USPL1: variants seen among roughly 807,000 people sequenced by gnomAD.
The protein encoded by USPL1 is ubiquitin specific peptidase like 1.
In USPL1, 27 loss-of-function variants were observed where a neutral mutation model predicts 51.5. The observed-to-expected ratio is 0.52, with a 90% CI of 0.39 to 0.72. The LOEUF (loss-of-function observed/expected upper bound fraction) is 0.72. USPL1 is among the 30% of genes least tolerant of loss of function. The pLI, the probability that USPL1 is intolerant of heterozygous loss-of-function variation, is 0.00. For missense variants in USPL1, 1,226 were observed against 1,268.0 expected (o/e 0.97, Z 0.50); for synonymous variants, 451 against 459.6 (o/e 0.98, Z 0.24).
At chr13:30,654,620 T>C (rs1470765660) in intron 8 of USPL1, among the ~76,000 whole-genome samples, 1 of 152,174 alleles carries the variant, frequency 6.6e-6, no homozygotes. Flanking sequence ...AAAGGATACA[T>C]AAAGTTGTCT....
chr13:30,659,138 A>C lies in USPL1; in HGVS notation c.3061A>C (p.Arg1021=), dbSNP rs1230288042. Reference sequence around the variant, plus strand: ...TGATGTTTCCCAGAACACACATCTGAGACAGGACCATAATTATTGTAGCCC... The same window carrying C: ...TGATGTTTCCCAGAACACACATCTGCGACAGGACCATAATTATTGTAGCCC... ...FNDVSQNTHL[R]QDHNYCSPTK... The change falls in exon 9 of 9, where the codon AGA becomes CGA. Residue 1021 remains arginine, a synonymous_variant. Transcript: ENST00000255304. 1.2e-6 allele frequency: 2 copies of C among 1,614,088 alleles called. No individual in the cohort carries two copies. Among genetic ancestry groups the C allele is most frequent in the Middle Eastern group, 1.6e-4 (1 of 6,084 alleles).
At position 30,621,173 on chromosome 13, in the gene USPL1, G is replaced by A. The variant is rs766095204; in HGVS notation, c.33G>A (p.Leu11=). The change falls in exon 2 of 9, where the codon TTG becomes TTA. Residue 11 remains leucine, a synonymous_variant. Transcript: ENST00000255304. MMDSPKIGNG[L]PVIGPGTDIG... Reference sequence around the variant, plus strand: ...ATTCTCCGAAGATTGGAAATGGTTTGCCAGTGATTGGACCAGGGACTGATA... The same window carrying A: ...ATTCTCCGAAGATTGGAAATGGTTTACCAGTGATTGGACCAGGGACTGATA... 1.2e-5 allele frequency: 20 copies of A among 1,607,260 alleles called. No homozygotes were observed. Among genetic ancestry groups the A allele is most frequent in the Admixed American group, 1.7e-5 (1 of 58,894 alleles).
In USPL1 at chr13:30,653,324, T is replaced by G. The variant is rs751146330; in HGVS notation, c.1396+19T>G. The G allele has an allele frequency of 1.9e-6, 3 of 1,539,394 alleles. No homozygotes were observed. The highest frequency in any genetic ancestry group is 2.6e-6 in the Non-Finnish European group (3 of 1,137,102). The stretch of plus-strand genomic sequence containing the variant: ...GCTGATGGTAAGTGTTTAGAGGTTT[T>G]CTTTTAAGATAATTGGCATAGAAAC... On this transcript the variant is annotated intron_variant, in intron 8 of 8. Transcript: ENST00000255304.
chr13:30,658,855 T>C lies in USPL1; in HGVS notation c.2778T>C (p.Asp926=). Residue 926 remains aspartate (D), a synonymous_variant, in exon 9 of 9, where the codon GAT becomes GAC. Transcript: ENST00000255304. ...RSENLEQVPQ[D]GSPNDCESIE... ...AAAATCTAGAACAGGTGCCCCAGGATGGGTCTCCAAATGATTGTGAATCAA... is the reference window on the plus strand; with the variant it reads ...AAAATCTAGAACAGGTGCCCCAGGACGGGTCTCCAAATGATTGTGAATCAA... The C allele has an allele frequency of 1.9e-6, 3 of 1,614,002 alleles. No individual in the cohort carries two copies. Among genetic ancestry groups the C allele is most frequent in the Non-Finnish European group, 2.5e-6 (3 of 1,180,030 alleles).
chr13:30,638,308 G>C (rs1370587903), intron 5 of USPL1, among the ~76,000 whole-genome samples: 1 of 152,092 alleles, frequency 6.6e-6, no homozygotes, highest in Non-Finnish European at 1.5e-5. Flanking sequence ...ATGTACCCAG[G>C]GTTTAGAATC....
At chr13:30,652,826 A>G (rs530050355) in intron 7 of USPL1, among the ~76,000 whole-genome samples, 35 of 152,352 alleles carry the variant, frequency 2.3e-4, no homozygotes, top group African/African-American at 7.9e-4. Flanking sequence ...TGGATTTTAC[A>G]AAGTAGCTAC....
chr13:30,647,278 C>G (rs574510503), intron 7 of USPL1, among the ~76,000 whole-genome samples: 2 of 152,318 alleles, frequency 1.3e-5, no homozygotes, highest in African/African-American at 4.8e-5. Flanking sequence ...TGGCCCCACT[C>G]TCCTAGTGTC....
Position 30,658,139 on chromosome 13 carries a change from A to T in USPL1, c.2062A>T (p.Ile688Leu). Reference sequence around the variant, plus strand: ...GAATAATACTGATGCTACTGGTCTTATACAGGGAGTGAAGTCAGTAGAAAT... The same window carrying T: ...GAATAATACTGATGCTACTGGTCTTTTACAGGGAGTGAAGTCAGTAGAAAT... ...SVNNTDATGL[I>L]QGVKSVEIEK... is the part of the protein sequence containing the mutation. Residue 688 changes from isoleucine to leucine, a missense_variant, in exon 9 of 9, where the codon ATA (isoleucine) becomes TTA (leucine). Physicochemically the swap from Ile to Leu is conservative, Grantham distance 5 (BLOSUM62 2). Coordinates refer to ENST00000255304, the MANE Select transcript of USPL1 (RefSeq NM_005800.5). The T allele has an allele frequency of 1.2e-6, 2 of 1,613,696 alleles. No homozygotes were observed. Among genetic ancestry groups the T allele is most frequent in the Non-Finnish European group, 1.7e-6 (2 of 1,180,004 alleles).
chr13:30,650,990 A>G (rs1345004856), intron 7 of USPL1, among the ~76,000 whole-genome samples: 1 of 151,266 alleles, frequency 6.6e-6, no homozygotes. Context: ...CGCCATCTCA[A>G]AAACAAACAA....
At chr13:30,620,211 G>A (rs1422756850) in intron 1 of USPL1, among the ~76,000 whole-genome samples, 1 of 152,194 alleles carries the variant, frequency 6.6e-6, no homozygotes, top group African/African-American at 2.4e-5. Context: ...CCCAGGAGAT[G>A]GGTGTCATAG....
chr13:30,621,090 C>G lies in USPL1; in HGVS notation c.-51C>G, dbSNP rs754488420. 2 of 1,459,450 alleles carry G rather than the reference C, an allele frequency of 1.4e-6. No individual in the cohort carries two copies. Among genetic ancestry groups the G allele is most frequent in the African/African-American group, 1.4e-5 (1 of 69,650 alleles). The allele number at this position is 1,459,450 out of a possible 1,614,324, so 90.4% of individuals were successfully genotyped here. A position where few individuals can be genotyped will look rare whatever the true frequency, so the allele number is the denominator to read the frequency against. On this transcript the variant is annotated 5_prime_UTR_variant, in exon 2 of 9. Transcript: ENST00000255304. Reference sequence around the variant, plus strand: ...TTTTCCAGGGTTCATTGAAAAAATCCTTAGTGATATTGACATGTCTCAAGT... The same window carrying G: ...TTTTCCAGGGTTCATTGAAAAAATCGTTAGTGATATTGACATGTCTCAAGT...
chr13:30,626,575 T>A lies in USPL1; in HGVS notation c.229-4260T>A, dbSNP rs2031277. On this transcript the variant is annotated intron_variant, in intron 3 of 8. Coordinates refer to ENST00000255304, the MANE Select transcript of USPL1 (RefSeq NM_005800.5). The stretch of plus-strand genomic sequence containing the variant: ...TTTATCAGTAAACTTTGCTGATCCC[T>A]GTATAAGTCCTCTGAATCAAATTAT... Among the ~76,000 whole-genome samples the A allele has an allele frequency of 3.9e-5, 6 of 152,290 alleles. No homozygotes were observed. The South Asian group carries it at 8.3e-4, about 21-fold the overall frequency.
intron 8 of USPL1, among the ~76,000 whole-genome samples, chr13:30,654,283 T>G (rs887132779): frequency 1.3e-5 from 2 of 152,060 alleles, no homozygotes; most frequent in African/African-American, 4.8e-5. Context: ...CAATGTTGGG[T>G]GTTTTTGGTA....
rs746662420 is a variant in USPL1 at position 30,631,121 on chromosome 13, A to C, written c.515A>C (p.Asn172Thr). The C allele has an allele frequency of 5.6e-6, 9 of 1,614,194 alleles. No individual in the cohort carries two copies. The highest frequency in any genetic ancestry group is 7.6e-6 in the Non-Finnish European group (9 of 1,180,022). ...PIRTADSLER[N>T]EILEADTVDM... ...AGGACAGCTGATTCCTTGGAGCGGA[A>C]TGAGATTTTGGAAGCTGATACTGTT... The change falls in exon 4 of 9, where the codon AAT (asparagine) becomes ACT (threonine). Residue 172 changes from asparagine to threonine, a missense_variant. By Grantham distance (65) the Asn-to-Thr change is moderately conservative (BLOSUM62 0). Transcript: ENST00000255304.
chr13:30,627,150 C>T (rs1008193409), intron 3 of USPL1, among the ~76,000 whole-genome samples: 5 of 151,292 alleles, frequency 3.3e-5, no homozygotes, highest in Admixed American at 2.0e-4. Context: ...TAGATGGTTG[C>T]GCTGGGCTAA....
At chr13:30,618,917 G>A (rs1050580863) in intron 1 of USPL1, among the ~76,000 whole-genome samples, 1 of 152,152 alleles carries the variant, frequency 6.6e-6, no homozygotes, top group Non-Finnish European at 1.5e-5. Flanking sequence ...AGCATTGACA[G>A]GCTCAGACTT....
chr13:30,624,985 G>A (rs1010463958), intron 3 of USPL1, among the ~76,000 whole-genome samples: 1 of 152,218 alleles, frequency 6.6e-6, no homozygotes, highest in Admixed American at 6.5e-5. Context: ...TATGGCATGT[G>A]TATTCCCATT....
rs1951219961 is a variant in USPL1 at position 30,659,178 on chromosome 13, C to T, written c.3101C>T (p.Pro1034Leu). Residue 1034 changes from proline to leucine, a missense_variant, in exon 9 of 9, where the codon CCA becomes CTA. Physicochemically the swap from Pro to Leu is moderately conservative, Grantham distance 98 (BLOSUM62 -3). Coordinates refer to ENST00000255304, the MANE Select transcript of USPL1 (RefSeq NM_005800.5). Reference sequence around the variant, plus strand: ...TATTGTAGCCCCACCAAGAAAAATCCATGTGAAGTTCAGCCAGACTCTCTG... The same window carrying T: ...TATTGTAGCCCCACCAAGAAAAATCTATGTGAAGTTCAGCCAGACTCTCTG... ...HNYCSPTKKN[P>L]CEVQPDSLTN... 2 of 1,614,046 alleles carry T rather than the reference C, an allele frequency of 1.2e-6. No individual in the cohort carries two copies. Among genetic ancestry groups the T allele is most frequent in the African/African-American group, 2.7e-5 (2 of 74,968 alleles).
intron 5 of USPL1, among the ~76,000 whole-genome samples, chr13:30,641,963 G>A (rs1264185169): frequency 6.6e-6 from 1 of 151,470 alleles, no homozygotes; most frequent in Non-Finnish European, 1.5e-5. Context: ...CTGGTATGCA[G>A]CGGCATGATC....
Sources: gnomAD v4.1 joint callset for allele counts (sites outside exome capture counted in the v4.1 genomes callset) on GRCh38, gnomAD v4.1.1 for gene constraint, MANE v1.5 for transcripts, NCBI Gene and HGNC (gene_info 2026-07-23, HGNC 2026-07-21) for gene names.